Variants in PRKAR1A observed in about 807,000 individuals in gnomAD.
PRKAR1A encodes protein kinase cAMP-dependent type I regulatory subunit alpha.
Under a neutral mutation model 52.0 loss-of-function variants are expected in PRKAR1A, and 3 were observed. The ratio of observed to expected loss-of-function variants is 0.06; its 90% CI spans 0.03 to 0.15. PRKAR1A has a LOEUF of 0.15. PRKAR1A is among the 10% of genes least tolerant of loss of function. PRKAR1A has a pLI of 1.00. For missense variants in PRKAR1A, 240 were observed against 477.4 expected, an observed-to-expected ratio of 0.50 and a Z score of 4.63; for synonymous variants, 188 against 168.4, an observed-to-expected ratio of 1.12 and a Z score of -0.90.
At chr17:68,458,574 AG>A in the PRKAR1A span, among the ~76,000 whole-genome samples, 2 of 152,222 alleles carry the variant, frequency 1.3e-5, no homozygotes, top group Non-Finnish European at 2.9e-5. Flanking sequence ...AAGTGTGTGT[AG>A]GGCAGTGTAG....
upstream of PRKAR1A, among the ~76,000 whole-genome samples, chr17:68,508,156 C>T (rs537721239): frequency 2.3e-4 from 35 of 152,248 alleles, no homozygotes; most frequent in Admixed American, 1.1e-3. Context: ...GTCTAGGCTG[C>T]TGACCTGCCC....
chr17:68,417,732 A>AGTT, the PRKAR1A span, among the ~76,000 whole-genome samples: 1 of 63,188 alleles, frequency 1.6e-5, no homozygotes, highest in Non-Finnish European at 3.4e-5. Flanking sequence ...AGAGTTGCTG[A>AGTT]ATTTTTTTTT....
chr17:68,426,042 T>C, the PRKAR1A span: 1 of 1,589,604 alleles, frequency 6.3e-7, no homozygotes, highest in Admixed American at 1.7e-5. Context: ...GCACACAGAC[T>C]GAGCCGCCCA....
chr17:68,426,303 G>A, the PRKAR1A span: 1 of 735,278 alleles, frequency 1.4e-6, no homozygotes, highest in Non-Finnish European at 2.3e-6. Flanking sequence ...CTTCCCCCTG[G>A]AGGTACTGTG....
At chr17:68,431,963 G>A in the PRKAR1A span, among the ~76,000 whole-genome samples, 1 of 152,140 alleles carries the variant, frequency 6.6e-6, no homozygotes, top group African/African-American at 2.4e-5. Flanking sequence ...CAGCTCAGCC[G>A]CCCTCTAGTG....
rs16973042 is a variant in PRKAR1A, at chr17:68,542,678, C to T, written c.974-8406C>T. On this transcript the variant is annotated intron_variant, in intron 11 of 11. Transcript: ENST00000585981. ...ATCTACTCAGACCCGGAATATCACT[C>T]GGGCCAGTACTCTACCTGGAGAGAC... The T allele has an allele frequency of 2.5e-3, 3,990 of 1,592,254 alleles. 87 individuals are homozygous for T. In the African/African-American group the frequency reaches 0.047, roughly 19 times the overall value.
At chr17:68,452,840 G>A in the PRKAR1A span, 53 of 1,413,950 alleles carry the variant, frequency 3.7e-5, no homozygotes, top group Admixed American at 2.9e-4. Context: ...TGGTAGCACC[G>A]CAGATTAAAG....
At position 68,515,912 on chromosome 17, in the gene PRKAR1A, A is replaced by G. The variant is rs1011497712; in HGVS notation, c.177+336A>G. 5.5e-5 allele frequency: 14 copies of G among 253,558 alleles called. No individual in the cohort carries two copies. The East Asian group carries it at 1.0e-3, about 19-fold the overall frequency. 15.7% of individuals were successfully genotyped at this position (253,558 alleles called of 1,614,324 possible). A position where few individuals can be genotyped will look rare whatever the true frequency, so the allele number is the denominator to read the frequency against. ...AGCAGTTCTATGAATAAGAAATTCT[A>G]TAGTTCTTAAAGGCAGTTAATGCTC... On this transcript the variant is annotated intron_variant, in intron 2 of 10. Coordinates refer to ENST00000589228, the MANE Select transcript of PRKAR1A (RefSeq NM_002734.5).
At chr17:68,431,109 C>G in the PRKAR1A span, among the ~76,000 whole-genome samples, 1 of 152,122 alleles carries the variant, frequency 6.6e-6, no homozygotes, top group Non-Finnish European at 1.5e-5. Context: ...CTGGGGTTTA[C>G]AAAGAGGTGT....
At chr17:68,544,841 GAC>G (rs1343944461) in intron 11 of PRKAR1A, among the ~76,000 whole-genome samples, 1 of 152,156 alleles carries the variant, frequency 6.6e-6, no homozygotes, top group African/African-American at 2.4e-5. Context: ...TCATCTTTCA[GAC>G]ACCTTTTAGG....
At chr17:68,497,013 A>G in the PRKAR1A span, among the ~76,000 whole-genome samples, 5 of 151,546 alleles carry the variant, frequency 3.3e-5, no homozygotes, top group Admixed American at 1.3e-4. Flanking sequence ...TTGTGGAGAC[A>G]GGGTTTTGCC....
chr17:68,453,082 A>G, the PRKAR1A span: 1 of 1,015,998 alleles, frequency 9.8e-7, no homozygotes, highest in Non-Finnish European at 1.5e-6. Context: ...CCCTAGCCTC[A>G]GGGGTACAGT....
chr17:68,450,171 A>AC, the PRKAR1A span, among the ~76,000 whole-genome samples: 37 of 152,076 alleles, frequency 2.4e-4, no homozygotes, highest in Admixed American at 6.5e-4. Flanking sequence ...TACAAAAAAA[A>AC]CAAAAAGTCT....
chr17:68,443,285 A>AT, the PRKAR1A span, among the ~76,000 whole-genome samples: 1 of 151,750 alleles, frequency 6.6e-6, no homozygotes, highest in Non-Finnish European at 1.5e-5. Flanking sequence ...TAATTTTTGT[A>AT]TTTTTTTGGT....
the PRKAR1A span, among the ~76,000 whole-genome samples, chr17:68,455,018 C>T: frequency 5.9e-5 from 9 of 152,280 alleles, no homozygotes; most frequent in African/African-American, 2.2e-4. Flanking sequence ...AATCACCACT[C>T]ATGGAAACAG....
rs62638722 is a variant in PRKAR1A at position 68,530,413 on chromosome 17, C to A, written c.1110C>A (p.Ile370=). ...GCTCAGACATCCTCAAACGAAACAT[C>A]CAGCAGTACAACAGTTTTGTGTCAC... The part of the protein sequence containing the change: ...GPCSDILKRN[I]QQYNSFVSLS... The change falls in exon 11 of 11, where the codon ATC becomes ATA. Residue 370 remains isoleucine (I), a synonymous_variant. Coordinates refer to ENST00000589228, the MANE Select transcript of PRKAR1A (RefSeq NM_002734.5). 1 of 1,614,084 alleles carries A rather than the reference C, an allele frequency of 6.2e-7. No homozygotes were observed.
At chr17:68,524,453 A>C (rs2085718875) in intron 5 of PRKAR1A, among the ~76,000 whole-genome samples, 11 of 152,186 alleles carry the variant, frequency 7.2e-5, no homozygotes, top group Admixed American at 7.2e-4. Context: ...TGTCTATTAA[A>C]AAGGTTCTAG....
At chr17:68,467,829 C>G in the PRKAR1A span, among the ~76,000 whole-genome samples, 2 of 152,196 alleles carry the variant, frequency 1.3e-5, no homozygotes, top group Non-Finnish European at 2.9e-5. Flanking sequence ...CCAAACTTAG[C>G]TGCTTAGCTT....
the PRKAR1A span, chr17:68,429,022 G>T: frequency 1.0e-6 from 1 of 993,644 alleles, no homozygotes. Flanking sequence ...CCTCACCCTA[G>T]CTGTCACCAG....
Sources: gnomAD v4.1 joint callset for allele counts (sites outside exome capture counted in the v4.1 genomes callset) on GRCh38, gnomAD v4.1.1 for gene constraint, MANE v1.5 for transcripts, NCBI Gene and HGNC (gene_info 2026-07-23, HGNC 2026-07-21) for gene names.